The following PCDHGB2 variants were observed in gnomAD, a reference collection of about 807,000 sequenced individuals.
The protein encoded by PCDHGB2 is protocadherin gamma-B2.
Under a neutral mutation model 59.3 loss-of-function variants are expected in PCDHGB2, and 55 were observed. That is an observed-to-expected ratio of 0.93 (90% CI 0.75 to 1.16). PCDHGB2 has a LOEUF of 1.16. PCDHGB2 is among the 50% of genes most tolerant of loss of function. The pLI, the probability that PCDHGB2 is intolerant of heterozygous loss-of-function variation, is 0.00. For synonymous variants in PCDHGB2, 516 were observed against 512.0 expected (o/e 1.01, Z -0.11); for missense variants, 1,228 against 1,198.5 (o/e 1.02, Z -0.36).
rs922668811 is a variant in PCDHGB2 at position 141,432,984 on chromosome 5, G to A, written c.2422-61823G>A. On this transcript the variant is annotated intron_variant, in intron 1 of 3. Transcript: ENST00000522605. This position sits in a 1 kb window ranked among gnomAD's most constrained non-coding sequence, Gnocchi z 6.0. ...GGAGCGCCGGCGTCGCACTTTGTGG[G>A]CGTGGACGGGGTGCAGGCTTTCCTG... 1.9e-6 allele frequency: 3 copies of A among 1,614,214 alleles called. No individual in the cohort carries two copies. Among genetic ancestry groups the A allele is most frequent in the Admixed American group, 1.7e-5 (1 of 60,028 alleles).
At chr5:141,422,127 A>G (rs779974245) in intron 1 of PCDHGB2, 1 of 1,600,944 alleles carries the variant, frequency 6.2e-7, no homozygotes. Context: ...CACAAACTGG[A>G]GAAGTTCAAG....
intron 1 of PCDHGB2, chr5:141,384,038 G>T: frequency 6.2e-7 from 1 of 1,613,110 alleles, no homozygotes; most frequent in South Asian, 1.1e-5. Flanking sequence ...GGAAAGAATG[G>T]TGAGGTGACC....
intron 1 of PCDHGB2, chr5:141,384,587 T>C: frequency 6.2e-7 from 1 of 1,614,218 alleles, no homozygotes; most frequent in Non-Finnish European, 8.5e-7. Flanking sequence ...CCCGAGATCC[T>C]GTACCCGGCC....
In PCDHGB2 at chr5:141,361,994, G is replaced by T; in HGVS notation, c.1859G>T (p.Gly620Val). ...QASEPGLFSL[G>V]LRTGEVRTAR... ...AGCGAGCCCGGGCTCTTCAGCCTGG[G>T]GTTGCGCACGGGTGAGGTGCGCACA... Residue 620 changes from glycine to valine, a missense_variant, in exon 1 of 4, where the codon GGG becomes GTG. Physicochemically the swap from Gly to Val is moderately radical, Grantham distance 109. Transcript: ENST00000522605. 6 of 1,602,934 alleles carry T rather than the reference G, an allele frequency of 3.7e-6. No individual in the cohort carries two copies. Among genetic ancestry groups the T allele is most frequent in the Non-Finnish European group, 5.1e-6 (6 of 1,177,236 alleles).
At chr5:141,421,748 G>A (rs763166274) in intron 1 of PCDHGB2, 4 of 1,613,944 alleles carry the variant, frequency 2.5e-6, no homozygotes, top group South Asian at 2.2e-5. Context: ...TACCAGCTCA[G>A]CCCTAATAAT....
intron 2 of PCDHGB2, among the ~76,000 whole-genome samples, chr5:141,497,290 C>A (rs182104163): frequency 4.7e-4 from 72 of 152,184 alleles, no homozygotes; most frequent in Middle Eastern, 3.4e-3. Flanking sequence ...CTCTACCTAC[C>A]ACCACCCCAG....
chr5:141,363,169 T>A (rs2149843303), intron 1 of PCDHGB2, among the ~76,000 whole-genome samples: 1 of 152,382 alleles, frequency 6.6e-6, no homozygotes, highest in Admixed American at 6.5e-5. Context: ...TTCTCTAACA[T>A]GCATTTTAAC....
At chr5:141,421,973 G>C in intron 1 of PCDHGB2, 1 of 1,610,100 alleles carries the variant, frequency 6.2e-7, no homozygotes, top group Non-Finnish European at 8.5e-7. Context: ...TCCGTATATC[G>C]CGTGAGTGTT....
intron 1 of PCDHGB2, chr5:141,400,271 C>G: frequency 1.2e-6 from 2 of 1,614,094 alleles, no homozygotes; most frequent in Non-Finnish European, 1.7e-6. Flanking sequence ...CGACGCTCCT[C>G]CAGCCCTGCC....
intron 1 of PCDHGB2, chr5:141,399,589 A>T: frequency 6.2e-7 from 1 of 1,613,984 alleles, no homozygotes; most frequent in Non-Finnish European, 8.5e-7. Context: ...CTACTCTATC[A>T]TGGCCAGCGA....
intron 1 of PCDHGB2, chr5:141,415,275 G>A (rs1242620005): frequency 5.6e-6 from 9 of 1,614,094 alleles, no homozygotes; most frequent in East Asian, 4.5e-5. Flanking sequence ...TGGTGGTAGC[G>A]GTGGCCGCGG....
chr5:141,492,007 C>A, intron 1 of PCDHGB2: 1 of 629,072 alleles, frequency 1.6e-6, no homozygotes, highest in Non-Finnish European at 2.6e-6. Flanking sequence ...GCGATTTCCG[C>A]GGGTGTCGGG....
At chr5:141,397,614 A>ACTAGAACT (rs2150713337) in intron 1 of PCDHGB2, among the ~76,000 whole-genome samples, 1 of 152,358 alleles carries the variant, frequency 6.6e-6, no homozygotes, top group African/African-American at 2.4e-5. Context: ...CAAGGGCAAT[A>ACTAGAACT]CTTAGTTCTA....
intron 1 of PCDHGB2, chr5:141,366,141 T>A: frequency 6.2e-7 from 1 of 1,614,170 alleles, no homozygotes; most frequent in Non-Finnish European, 8.5e-7. Flanking sequence ...AACGCCTGGC[T>A]GTCCTACCGC....
At chr5:141,466,583 C>T (rs2099125595) in intron 1 of PCDHGB2, among the ~76,000 whole-genome samples, 1 of 152,184 alleles carries the variant, frequency 6.6e-6, no homozygotes, top group Admixed American at 6.6e-5. Flanking sequence ...CTCATCCCTT[C>T]TTAAAACAAG....
chr5:141,418,620 A>T lies in PCDHGB2; in HGVS notation c.2421+56064A>T, dbSNP rs762197476. 180 of 1,613,904 alleles carry T rather than the reference A, an allele frequency of 1.1e-4. No homozygotes were observed. The highest frequency in any genetic ancestry group is 1.5e-4 in the Non-Finnish European group (172 of 1,179,900). On this transcript the variant is annotated intron_variant, in intron 1 of 3. Coordinates refer to ENST00000522605, the MANE Select transcript of PCDHGB2 (RefSeq NM_018923.3). The stretch of plus-strand genomic sequence containing the variant: ...GTGTACAGGGTTAGCCTTCGGGAAG[A>T]CGTGCCTCCAGGCACCTCCATCCTG...
chr5:141,388,907 C>T (rs1321583045), intron 1 of PCDHGB2: 5 of 1,613,786 alleles, frequency 3.1e-6, no homozygotes, highest in African/African-American at 1.3e-5. Context: ...AAAATGACAA[C>T]GCCCCAGAAG....
At chr5:141,503,332 C>T (rs536647792) in intron 2 of PCDHGB2, among the ~76,000 whole-genome samples, 5 of 152,074 alleles carry the variant, frequency 3.3e-5, no homozygotes, top group Admixed American at 6.5e-5. Context: ...CGCGGTGGCT[C>T]ACGCCTGTAA....
At chr5:141,371,256 G>A in intron 1 of PCDHGB2, 2 of 1,614,052 alleles carry the variant, frequency 1.2e-6, no homozygotes, top group East Asian at 2.2e-5. Context: ...TGGCAAGGAA[G>A]TGAGACAACT....
Sources: allele counts gnomAD v4.1 joint callset (sites outside exome capture counted in the v4.1 genomes callset), GRCh38; gene constraint gnomAD v4.1.1; non-coding constraint Gnocchi (gnomAD v3.1); transcripts MANE v1.5; gene names NCBI Gene and HGNC (gene_info 2026-07-23, HGNC 2026-07-21).